SLC4A8: variants seen among roughly 807,000 people sequenced by gnomAD.
SLC4A8 encodes the protein solute carrier family 4 member 8.
Under a neutral mutation model 125.0 loss-of-function variants are expected in SLC4A8, and 40 were observed. The ratio of observed to expected loss-of-function variants is 0.32; its 90% CI spans 0.25 to 0.42. SLC4A8 has a LOEUF of 0.42. SLC4A8 is among the 10% of genes least tolerant of loss of function. The pLI, the probability that SLC4A8 is intolerant of heterozygous loss-of-function variation, is 1.00. For missense variants in SLC4A8, 863 were observed against 1,355.1 expected, an observed-to-expected ratio of 0.64 and a Z score of 5.70; for synonymous variants, 456 against 476.0, an observed-to-expected ratio of 0.96 and a Z score of 0.55.
rs760732812 is a variant in SLC4A8 at position 51,471,502 on chromosome 12, A to C, written c.1874A>C (p.His625Pro). ...HLAETYPIHM[H>P]SQLDHLSLYY... Reference sequence around the variant, plus strand: ...GCAGAGACCTACCCCATCCACATGCACAGCCAGCTGGACCACCTTAGCCTC... The same window carrying C: ...GCAGAGACCTACCCCATCCACATGCCCAGCCAGCTGGACCACCTTAGCCTC... The change falls in exon 14 of 25, where the codon CAC becomes CCC. Residue 625 changes from histidine (H) to proline (P), a missense_variant. Transcript: ENST00000453097. The C allele has an allele frequency of 6.2e-7, 1 of 1,614,192 alleles. No individual in the cohort carries two copies. Among genetic ancestry groups the C allele is most frequent in the East Asian group, 2.2e-5 (1 of 44,892 alleles).
intron 1 of SLC4A8, among the ~76,000 whole-genome samples, chr12:51,400,019 A>G (rs1023422054): frequency 2.0e-5 from 3 of 151,026 alleles, no homozygotes; most frequent in African/African-American, 7.3e-5. Context: ...GCACTGTCCA[A>G]AGGTAGCACA....
intron 21 of SLC4A8, 77 bp from the exon 22 acceptor site, chr12:51,496,910 G>T: frequency 6.8e-7 from 1 of 1,468,620 alleles, no homozygotes; most frequent in South Asian, 1.2e-5. Context: ...AGTCTGCTGT[G>T]AAAATAAGGC....
rs753344234 is a variant in SLC4A8 at position 51,469,651 on chromosome 12, G to T, written c.1387G>T (p.Ala463Ser). ...GGLVLDIKRK[A>S]PWYWSDYRDA... is the part of the protein sequence containing the mutation. Reference sequence around the variant, plus strand: ...CTTGGTGCTGGACATCAAGCGGAAGGCCCCCTGGTACTGGAGCGACTACCG... The same window carrying T: ...CTTGGTGCTGGACATCAAGCGGAAGTCCCCCTGGTACTGGAGCGACTACCG... Residue 463 changes from alanine to serine, a missense_variant, in exon 12 of 25, where the codon GCC (alanine) becomes TCC (serine). Physicochemically the swap from Ala to Ser is moderately conservative, Grantham distance 99. Coordinates refer to ENST00000453097, the MANE Select transcript of SLC4A8 (RefSeq NM_001039960.3). 1.9e-6 allele frequency: 3 copies of T among 1,613,632 alleles called. No homozygotes were observed. Among genetic ancestry groups the T allele is most frequent in the South Asian group, 1.1e-5 (1 of 91,028 alleles).
At chr12:51,441,851 G>C (rs779523141) in intron 2 of SLC4A8, among the ~76,000 whole-genome samples, 1 of 152,206 alleles carries the variant, frequency 6.6e-6, no homozygotes, top group Non-Finnish European at 1.5e-5. Context: ...GAGAACTGAC[G>C]TGGGTGGCTC....
At chr12:51,409,461 T>C (rs1041113116) in intron 1 of SLC4A8, among the ~76,000 whole-genome samples, 4 of 152,230 alleles carry the variant, frequency 2.6e-5, no homozygotes, top group Non-Finnish European at 5.9e-5. Context: ...CTTCTCTGAA[T>C]TTTCTTACTA....
rs867662974 is a variant in SLC4A8, at chr12:51,450,996, A to T, written c.251A>T (p.Glu84Val). 6.4e-7 allele frequency: 1 copy of T among 1,550,606 alleles called. No homozygotes were observed. The highest frequency in any genetic ancestry group is 8.7e-7 in the Non-Finnish European group (1 of 1,145,926). ...CGGGGCAAAGGAGCCAGCCAGGGGG[A>T]GGAAGGCCTGGAAGCCCTGGCCCAC... ...RGRGKGASQG[E>V]EGLEALAHDT... is the part of the protein sequence containing the mutation. The change falls in exon 3 of 25, where the codon GAG becomes GTG. Residue 84 changes from glutamate (E) to valine (V), a missense_variant. Glu to Val is a moderately radical substitution (Grantham distance 121, BLOSUM62 -2). Coordinates refer to ENST00000453097, the MANE Select transcript of SLC4A8 (RefSeq NM_001039960.3).
chr12:51,427,567 A>T (rs1949035434), intron 1 of SLC4A8, among the ~76,000 whole-genome samples: 1 of 152,152 alleles, frequency 6.6e-6, no homozygotes, highest in Admixed American at 6.5e-5. Context: ...ATAGGGAGGA[A>T]AAGAGAATGA....
chr12:51,453,772 G>A (rs987308118), intron 5 of SLC4A8, 73 bp downstream of exon 5: 25 of 1,407,918 alleles, frequency 1.8e-5, no homozygotes, highest in East Asian at 1.7e-4. Flanking sequence ...GGAGTGTGGC[G>A]TGACAGAAAG....
chr12:51,497,609 G>A (rs559205454), intron 22 of SLC4A8: 1 of 153,728 alleles, frequency 6.5e-6, no homozygotes, highest in African/African-American at 2.4e-5. Flanking sequence ...TCAATAAATG[G>A]CCTATATGTG....
chr12:51,479,802 A>G (rs992607288), intron 16 of SLC4A8, among the ~76,000 whole-genome samples: 4 of 152,098 alleles, frequency 2.6e-5, no homozygotes, highest in African/African-American at 9.7e-5. Flanking sequence ...TATAAAATCA[A>G]TATTTAAGAT....
At chr12:51,452,477 T>C (rs2271150) in intron 4 of SLC4A8, among the ~76,000 whole-genome samples, 8,360 of 152,210 alleles carry the variant, frequency 0.055, 703 homozygotes, top group African/African-American at 0.17. Flanking sequence ...ATGGGATTGG[T>C]GAAATAACAT....
At chr12:51,428,591 A>T (rs11169839) in intron 1 of SLC4A8, among the ~76,000 whole-genome samples, 9,931 of 152,166 alleles carry the variant, frequency 0.065, 436 homozygotes, top group East Asian at 0.21. Flanking sequence ...TTTAACCTTC[A>T]AGGTCTGGCT....
rs1387201436 is a variant in SLC4A8, at chr12:51,479,697, A to G, written c.2172+4491A>G. Reference sequence around the variant, plus strand: ...GACTTGGTCTCAAAAAAAAAAAAAAAAAGAAATGTGGACAAATATAGCTAG... The same window carrying G: ...GACTTGGTCTCAAAAAAAAAAAAAAGAAGAAATGTGGACAAATATAGCTAG... On this transcript the variant is annotated intron_variant, in intron 16 of 24. Transcript: ENST00000453097. 2.0e-5 allele frequency among the ~76,000 whole-genome samples: 3 copies of G among 146,622 alleles called. No homozygotes were observed. The East Asian group carries it at 5.9e-4, about 29-fold the overall frequency.
intron 1 of SLC4A8, among the ~76,000 whole-genome samples, chr12:51,409,597 G>A (rs1188111351): frequency 6.6e-6 from 1 of 152,118 alleles, no homozygotes; most frequent in Non-Finnish European, 1.5e-5. Context: ...GGAGCACAGT[G>A]GCTATTCATA....
At position 51,425,071 on chromosome 12, in the gene SLC4A8, C is replaced by T. The variant is rs368164823; in HGVS notation, c.48+36C>T. The T allele has an allele frequency of 1.6e-4, 247 of 1,541,224 alleles. No homozygotes were observed. The African/African-American group carries it at 2.0e-3, about 13-fold the overall frequency. On this transcript the variant is annotated intron_variant, in intron 1 of 24. Transcript: ENST00000453097. ...GCCTCCCGCGCCTCCCGCTCCTCCC[C>T]GGGGCGCAGCCTCCTCATCCTCTGC...
intron 2 of SLC4A8, among the ~76,000 whole-genome samples, chr12:51,447,002 G>A (rs1045813229): frequency 6.6e-6 from 1 of 152,020 alleles, no homozygotes; most frequent in African/African-American, 2.4e-5. Context: ...CATGAGAACA[G>A]CACTAACCAA....
In SLC4A8 at chr12:51,515,066, C is replaced by A. The variant is rs748617067; in HGVS notation, c.*7628C>A. The A allele has an allele frequency of 6.6e-6, 1 of 152,222 alleles. No individual in the cohort carries two copies. The highest frequency in any genetic ancestry group is 1.5e-5 in the Non-Finnish European group (1 of 68,040). The allele number at this position is 152,222 out of a possible 1,614,324, so 9.4% of individuals were successfully genotyped here. A position where few individuals can be genotyped will look rare whatever the true frequency, so the allele number is the denominator to read the frequency against. Reference sequence around the variant, plus strand: ...CTTCTAGCTGATGGCATTAATATTTCTTGAGAGAGAGAACTCACCCATGGC... The same window carrying A: ...CTTCTAGCTGATGGCATTAATATTTATTGAGAGAGAGAACTCACCCATGGC... On this transcript the variant is annotated 3_prime_UTR_variant, in exon 25 of 25. Transcript: ENST00000453097.
intron 1 of SLC4A8, among the ~76,000 whole-genome samples, chr12:51,440,084 A>C (rs1235312332): frequency 6.6e-6 from 1 of 152,200 alleles, no homozygotes; most frequent in Non-Finnish European, 1.5e-5. Flanking sequence ...TGATAAGAGG[A>C]GCAGGATGGA....
intron 16 of SLC4A8, among the ~76,000 whole-genome samples, chr12:51,480,782 G>A (rs747421654): frequency 3.9e-5 from 6 of 152,146 alleles, no homozygotes; most frequent in Non-Finnish European, 8.8e-5. Context: ...CAATATTTTG[G>A]AGTTGACTTG....
Sources: gnomAD v4.1 joint callset for allele counts (sites outside exome capture counted in the v4.1 genomes callset) on GRCh38, gnomAD v4.1.1 for gene constraint, MANE v1.5 for transcripts, NCBI Gene and HGNC (gene_info 2026-07-23, HGNC 2026-07-21) for gene names.